RAB31: variants seen among roughly 807,000 people sequenced by gnomAD.
RAB31 encodes ras-related protein Rab-31.
A neutral mutation model predicts 25.6 loss-of-function variants in RAB31; 21 were observed. That is an observed-to-expected ratio of 0.82 (90% CI 0.58 to 1.18). The LOEUF is 1.18. Ranked by LOEUF, RAB31 falls within the 50% of genes most tolerant of loss-of-function variation. RAB31 has a pLI of 0.00. For missense variants in RAB31, 196 were observed against 250.1 expected (o/e 0.78, Z 1.46); for synonymous variants, 87 against 84.0 (o/e 1.04, Z -0.20).
intron 5 of RAB31, among the ~76,000 whole-genome samples, chr18:9,837,702 A>G: frequency 6.6e-6 from 1 of 152,268 alleles, no homozygotes; most frequent in East Asian, 1.9e-4. Context: ...GGCTTCTAAA[A>G]AGTTATTCAC....
chr18:9,713,338 C>T (rs1408105490), intron 1 of RAB31, among the ~76,000 whole-genome samples: 1 of 152,078 alleles, frequency 6.6e-6, no homozygotes, highest in Non-Finnish European at 1.5e-5. Context: ...AGTGGCTAGC[C>T]ACAGCATTTA....
At chr18:9,717,652 A>G (rs562225329) in intron 1 of RAB31, among the ~76,000 whole-genome samples, 1 of 152,244 alleles carries the variant, frequency 6.6e-6, no homozygotes, top group East Asian at 1.9e-4. Context: ...GGACAGAGGG[A>G]GAAAGTGGAG....
chr18:9,762,663 CAAG>C (rs112462689), intron 1 of RAB31, among the ~76,000 whole-genome samples: 13,743 of 152,152 alleles, frequency 0.09, 1,035 homozygotes, highest in African/African-American at 0.21. Flanking sequence ...CTGGAAATGC[CAAG>C]AAGCTGTGGG....
In RAB31 at chr18:9,735,774, A is replaced by G. The variant is rs145573196; in HGVS notation, c.39+27330A>G. On this transcript the variant is annotated intron_variant, in intron 1 of 6. Coordinates refer to ENST00000578921, the MANE Select transcript of RAB31 (RefSeq NM_006868.4). ...CCAGGAGTTTGAGATCAGCTTGGGC[A>G]AAGGGGAATTTTTCTTTCATTATCA... Among the ~76,000 whole-genome samples the G allele has an allele frequency of 7.3e-3, 1,107 of 152,356 alleles. 12 individuals are homozygous for G. The highest frequency in any genetic ancestry group is 0.025 in the African/African-American group (1,043 of 41,580).
At chr18:9,716,910 T>TTTTCTTTC (rs71168100) in intron 1 of RAB31, among the ~76,000 whole-genome samples, 32 of 128,888 alleles carry the variant, frequency 2.5e-4, no homozygotes, top group East Asian at 4.1e-4. Flanking sequence ...ACTTGGCTAA[T>TTTTCTTTC]TTTCTTTCTT....
chr18:9,767,502 G>A (rs2068322189), intron 1 of RAB31, among the ~76,000 whole-genome samples: 2 of 152,236 alleles, frequency 1.3e-5, no homozygotes, highest in Admixed American at 1.3e-4. Flanking sequence ...TGGATGTCGT[G>A]AAGAGAGACC....
chr18:9,794,622 C>T (rs66584277), intron 3 of RAB31, among the ~76,000 whole-genome samples: 41,228 of 152,024 alleles, frequency 0.27, 6,016 homozygotes, highest in South Asian at 0.46. Context: ...CGAGACCAGC[C>T]TGGCCAATAT....
At chr18:9,734,942 G>C in intron 1 of RAB31, 1 of 319,972 alleles carries the variant, frequency 3.1e-6, no homozygotes, top group South Asian at 2.9e-5. Flanking sequence ...GAACTTTATA[G>C]TAGCCCAGTT....
chr18:9,719,468 A>G (rs1020821571), intron 1 of RAB31, among the ~76,000 whole-genome samples: 2 of 151,136 alleles, frequency 1.3e-5, no homozygotes, highest in Non-Finnish European at 2.9e-5. Context: ...ATGACACATC[A>G]TTGTATTAGC....
chr18:9,734,848 G>GC (rs1356701108), intron 1 of RAB31: 1 of 220,678 alleles, frequency 4.5e-6, no homozygotes, highest in Non-Finnish European at 9.8e-6. Flanking sequence ...CAGCACACAG[G>GC]CCCCCCAGCA....
chr18:9,845,630 C>A lies in RAB31; in HGVS notation c.429C>A (p.Ala143=). Residue 143 remains alanine (A), a synonymous_variant, in exon 6 of 7, where the codon GCC becomes GCA. Transcript: ENST00000578921. ...DAKEYAESIG[A]IVVETSAKNA... The stretch of plus-strand genomic sequence containing the variant: ...AGGAATACGCTGAATCCATAGGTGC[C>A]ATCGTGGTTGAGACAAGTGCAAAAA... 6.4e-7 allele frequency: 1 copy of A among 1,569,852 alleles called. No homozygotes were observed. The highest frequency in any genetic ancestry group is 8.6e-7 in the Non-Finnish European group (1 of 1,156,836).
At chr18:9,715,550 CATGGAGTCTCGCTCTGTCA>C (rs1347737788) in intron 1 of RAB31, among the ~76,000 whole-genome samples, 1 of 115,934 alleles carries the variant, frequency 8.6e-6, no homozygotes, top group East Asian at 2.5e-4. Flanking sequence ...TTTTTTTTGA[CATGGAGTCTCGCTCTGTCA>C]ACCAGCCTGG....
intron 3 of RAB31, among the ~76,000 whole-genome samples, chr18:9,808,014 A>G (rs1196356026): frequency 1.3e-5 from 2 of 152,112 alleles, no homozygotes; most frequent in Non-Finnish European, 2.9e-5. Context: ...CTTCCTCCCA[A>G]CATCGTTTTT....
chr18:9,727,465 C>T (rs908904914), intron 1 of RAB31, among the ~76,000 whole-genome samples: 3 of 152,136 alleles, frequency 2.0e-5, no homozygotes, highest in African/African-American at 4.8e-5. Context: ...CACAGGTCCT[C>T]CAGCACACTT....
Position 9,781,615 on chromosome 18 carries a change from G to A in RAB31, c.119+6258G>A, listed in dbSNP as rs149691480. ...TGAGCCACCGCGCCCAGCCCTGTTC[G>A]CTTTCTACCTCGTCCCTTGCTTTTC... On this transcript the variant is annotated intron_variant, in intron 2 of 6. Transcript: ENST00000578921. 1.3e-3 allele frequency among the ~76,000 whole-genome samples: 201 copies of A among 152,294 alleles called. 1 individual carries two copies. Among genetic ancestry groups the A allele is most frequent in the African/African-American group, 4.7e-3 (195 of 41,570 alleles).
intron 5 of RAB31, among the ~76,000 whole-genome samples, chr18:9,816,825 C>T (rs1037323711): frequency 4.6e-5 from 7 of 152,262 alleles, no homozygotes; most frequent in Non-Finnish European, 1.0e-4. Flanking sequence ...GAATTCTAGT[C>T]GTTGATTTTC....
At chr18:9,757,711 T>A (rs2068267052) in intron 1 of RAB31, among the ~76,000 whole-genome samples, 2 of 152,216 alleles carry the variant, frequency 1.3e-5, no homozygotes, top group African/African-American at 2.4e-5. Flanking sequence ...TGTGTGTTCA[T>A]GTGTGTGCTT....
chr18:9,824,970 G>C (rs2068642903), intron 5 of RAB31, among the ~76,000 whole-genome samples: 1 of 152,212 alleles, frequency 6.6e-6, no homozygotes, highest in African/African-American at 2.4e-5. Flanking sequence ...CGTCCTTCCT[G>C]CCGCTCTTCT....
Position 9,791,388 on chromosome 18 carries a change from C to CTTTTT in RAB31, c.120-743_120-739dup, listed in dbSNP as rs35523044. 2.2e-4 allele frequency among the ~76,000 whole-genome samples: 13 copies of CTTTTT among 59,568 alleles called. 1 individual carries two copies. The highest frequency in any genetic ancestry group is 6.9e-4 in the African/African-American group (10 of 14,512). 39.1% of individuals were successfully genotyped at this position (59,568 alleles called of 152,430 possible). Reference sequence around the variant, plus strand: ...AGCTAACTGGTTTTAGAAACACAGTCTTTTTTTTTTTTTTTTTTTTTTTTT... The same window carrying CTTTTT: ...AGCTAACTGGTTTTAGAAACACAGTCTTTTTTTTTTTTTTTTTTTTTTTTTTTTTT... On this transcript the variant is annotated intron_variant, in intron 2 of 6. Coordinates refer to ENST00000578921, the MANE Select transcript of RAB31 (RefSeq NM_006868.4).
Sources: gnomAD v4.1 joint callset for allele counts (sites outside exome capture counted in the v4.1 genomes callset) on GRCh38, gnomAD v4.1.1 for gene constraint, MANE v1.5 for transcripts, NCBI Gene and HGNC (gene_info 2026-07-23, HGNC 2026-07-21) for gene names.